Variants in RBM48 observed in about 807,000 individuals in gnomAD.
RBM48 encodes RNA binding motif protein 48.
A neutral mutation model predicts 34.8 loss-of-function variants in RBM48; 32 were observed. The observed-to-expected ratio is 0.92, with a 90% CI of 0.69 to 1.23. The LOEUF is 1.23. Ranked by LOEUF, RBM48 falls within the 50% of genes most tolerant of loss-of-function variation. RBM48 has a pLI of 0.00. For synonymous variants in RBM48, 151 were observed against 156.2 expected, an observed-to-expected ratio of 0.97 and a Z score of 0.25; for missense variants, 441 against 447.2, an observed-to-expected ratio of 0.99 and a Z score of 0.12.
rs1793819452 is a variant in RBM48 at position 92,539,792 on chromosome 7, CTG to C, written c.*2856_*2857del. ...TTTATGAGCCAAATCAATTATTAGA[CTG>C]ATACTTGCAGCTCAGAAAACTTTTG... On this transcript the variant is annotated 3_prime_UTR_variant, in exon 5 of 5. Coordinates refer to ENST00000265732, the MANE Select transcript of RBM48 (RefSeq NM_032120.4). Among the ~76,000 whole-genome samples the C allele has an allele frequency of 6.6e-6, 1 of 152,210 alleles. No homozygotes were observed. Among genetic ancestry groups the C allele is most frequent in the African/African-American group, 2.4e-5 (1 of 41,462 alleles).
chr7:92,536,194 A>T, intron 4 of RBM48: 1 of 985,378 alleles, frequency 1.0e-6, no homozygotes, highest in Non-Finnish European at 1.2e-6. Flanking sequence ...AGCTGAACTG[A>T]GGCATAGACA....
chr7:92,528,809 G>A lies in RBM48; in HGVS notation c.-5G>A, dbSNP rs1168946087. 1.9e-6 allele frequency: 3 copies of A among 1,612,966 alleles called. No homozygotes were observed. Among genetic ancestry groups the A allele is most frequent in the African/African-American group, 1.3e-5 (1 of 74,924 alleles). ...GTCCTCCCTGCGAGGATCAAAGTAG[G>A]CAAGATGGCGTCGAGCGGCGGGGAG... is the stretch of plus-strand genomic sequence containing the variant. On this transcript the variant is annotated 5_prime_UTR_variant, in exon 1 of 5. Coordinates refer to ENST00000265732, the MANE Select transcript of RBM48 (RefSeq NM_032120.4).
rs145741471 is a variant in RBM48, at chr7:92,537,784, A to G, written c.*847A>G. On this transcript the variant is annotated 3_prime_UTR_variant, in exon 5 of 5. Coordinates refer to ENST00000265732, the MANE Select transcript of RBM48 (RefSeq NM_032120.4). ...TATCCACACTTTTTTCTGTCAGTGG[A>G]TTACATAATTGGAAATTTCAGTACA... is the stretch of plus-strand genomic sequence containing the variant. The G allele has an allele frequency of 1.4e-4, 21 of 152,310 alleles. No individual in the cohort carries two copies. Among genetic ancestry groups the G allele is most frequent in the African/African-American group, 4.8e-4 (20 of 41,566 alleles). 9.4% of individuals were successfully genotyped at this position (152,310 alleles called of 1,614,324 possible).
chr7:92,532,108 A>G (rs1156631979), intron 2 of RBM48, among the ~76,000 whole-genome samples: 1 of 152,212 alleles, frequency 6.6e-6, no homozygotes, highest in Non-Finnish European at 1.5e-5. Context: ...GAAAAGCTCC[A>G]TTTTATGACC....
In RBM48 at chr7:92,534,804, G is replaced by T. The variant is rs200432326; in HGVS notation, c.851G>T (p.Arg284Leu). The T allele has an allele frequency of 6.2e-7, 1 of 1,614,066 alleles. No individual in the cohort carries two copies. ...FMPRTTQLQERKRRREDDRKL... is the reference protein window; with the variant it reads ...FMPRTTQLQELKRRREDDRKL... ...CCTAGGACAACACAACTGCAGGAGC[G>T]CAAAAGAAGAAGAGAAGATGATCGT... The change falls in exon 4 of 5, where the codon CGC (arginine) becomes CTC (leucine). Residue 284 changes from arginine to leucine, a missense_variant. Arg to Leu is a moderately radical substitution (Grantham distance 102). Transcript: ENST00000265732.
rs147012722 is a variant in RBM48 at position 92,533,745 on chromosome 7, A to G, written c.449-657A>G. On this transcript the variant is annotated intron_variant, in intron 3 of 4. Transcript: ENST00000265732. The stretch of plus-strand genomic sequence containing the variant: ...GAGAGACTAAGTTAACATAACTCCC[A>G]TGTATTAATATTAACATTAACAATC... 8.6e-4 allele frequency among the ~76,000 whole-genome samples: 131 copies of G among 152,330 alleles called. 2 individuals carry two copies. The highest frequency in any genetic ancestry group is 3.0e-3 in the African/African-American group (124 of 41,576).
At chr7:92,532,003 C>T (rs184638021) in intron 2 of RBM48, among the ~76,000 whole-genome samples, 1 of 152,190 alleles carries the variant, frequency 6.6e-6, no homozygotes, top group East Asian at 1.9e-4. Context: ...ATTATAGTAT[C>T]TTTCATCTGA....
intron 4 of RBM48, 139 bp downstream of exon 4, chr7:92,535,109 G>T: frequency 6.8e-7 from 1 of 1,461,398 alleles, no homozygotes; most frequent in Non-Finnish European, 9.0e-7. Flanking sequence ...GTTCTCTGTT[G>T]AAATAACTGA....
intron 4 of RBM48, chr7:92,536,053 C>G: frequency 3.7e-6 from 2 of 541,596 alleles, no homozygotes; most frequent in Non-Finnish European, 4.7e-6. Flanking sequence ...GTACTTGAGT[C>G]TGGGAGGCGG....
At chr7:92,529,177 G>A (rs532736498) in intron 1 of RBM48, 25 of 583,624 alleles carry the variant, frequency 4.3e-5, no homozygotes, top group Admixed American at 1.3e-4. Flanking sequence ...AGTACTACTT[G>A]GCACAGGTAA....
intron 3 of RBM48, chr7:92,534,197 A>G (rs1266100759): frequency 3.0e-6 from 2 of 671,980 alleles, no homozygotes; most frequent in South Asian, 1.8e-5. Flanking sequence ...GAGCAAGGAA[A>G]GGGTGACACT....
chr7:92,535,036 T>C (rs1793678042), intron 4 of RBM48, 66 bp downstream of exon 4: 1 of 1,580,052 alleles, frequency 6.3e-7, no homozygotes, highest in African/African-American at 1.4e-5. Flanking sequence ...GGAGAATTAT[T>C]TGTGGGAACA....
At position 92,538,347 on chromosome 7, in the gene RBM48, T is replaced by C. The variant is rs1793774408; in HGVS notation, c.*1410T>C. On this transcript the variant is annotated 3_prime_UTR_variant, in exon 5 of 5. Transcript: ENST00000265732. The stretch of plus-strand genomic sequence containing the variant: ...ATGGTTAGAGTTGGGGGGTTAATCT[T>C]TAACCTCAGGCCTGGTCAGTGGCGT... Among the ~76,000 whole-genome samples the C allele has an allele frequency of 6.6e-6, 1 of 152,192 alleles. No homozygotes were observed. Among genetic ancestry groups the C allele is most frequent in the African/African-American group, 2.4e-5 (1 of 41,442 alleles).
At chr7:92,535,574 T>C (rs1793690242) in intron 4 of RBM48, 6 of 985,532 alleles carry the variant, frequency 6.1e-6, no homozygotes, top group Non-Finnish European at 7.2e-6. Flanking sequence ...GAAGTTAACA[T>C]CTGAGTTAGC....
At chr7:92,535,348 T>TGG in intron 4 of RBM48, 2 of 1,125,746 alleles carry the variant, frequency 1.8e-6, no homozygotes, top group Non-Finnish European at 2.2e-6. Flanking sequence ...CTCTCAAATT[T>TGG]AGAGTTATTA....
At position 92,529,573 on chromosome 7, in the gene RBM48, G is replaced by A; in HGVS notation, c.209G>A (p.Gly70Asp). 6.2e-7 allele frequency: 1 copy of A among 1,610,048 alleles called. No individual in the cohort carries two copies. The highest frequency in any genetic ancestry group is 8.5e-7 in the Non-Finnish European group (1 of 1,176,396). ...TTAGTTGAGCGATTCGCTTTATATG[G>A]TGCAATTGAACAGTACAATGCTCTA... Reference protein sequence around the residue: ...KELVERFALYGAIEQYNALDE... With the variant: ...KELVERFALYDAIEQYNALDE... Residue 70 changes from glycine (G) to aspartate (D), a missense_variant, in exon 2 of 5, where the codon GGT becomes GAT. By Grantham distance (94) the Gly-to-Asp change is moderately conservative. Transcript: ENST00000265732.
intron 4 of RBM48, 21 bp downstream of exon 4, chr7:92,534,991 C>CAGAA: frequency 6.2e-7 from 1 of 1,612,636 alleles, no homozygotes; most frequent in South Asian, 1.1e-5. Flanking sequence ...TTTTAAAAAA[C>CAGAA]TATTCTAAGA....
intron 1 of RBM48, 102 bp downstream of exon 1, chr7:92,529,026 C>A: frequency 2.3e-6 from 2 of 852,412 alleles, no homozygotes; most frequent in Admixed American, 2.1e-5. Flanking sequence ...AGGCTTCCGT[C>A]AGATCTGTCT....
chr7:92,535,392 T>C, intron 4 of RBM48: 2 of 1,049,330 alleles, frequency 1.9e-6, no homozygotes, highest in Non-Finnish European at 2.3e-6. Context: ...CTTAATTTGC[T>C]TTTGTGATAA....
Sources: gnomAD v4.1 joint callset for allele counts (sites outside exome capture counted in the v4.1 genomes callset) on GRCh38, gnomAD v4.1.1 for gene constraint, MANE v1.5 for transcripts, NCBI Gene and HGNC (gene_info 2026-07-23, HGNC 2026-07-21) for gene names.